The following RAB2B variants were observed in gnomAD, a reference collection of about 807,000 sequenced individuals.
RAB2B encodes RAB2B, member RAS oncogene family.
In RAB2B, 20 loss-of-function variants were observed where a neutral mutation model predicts 29.8. The ratio of observed to expected loss-of-function variants is 0.67; its 90% CI spans 0.47 to 0.97. RAB2B has a LOEUF of 0.97. RAB2B is among the 50% of genes least tolerant of loss of function. The probability of loss-of-function intolerance (pLI) is 0.00; values close to 1 mark genes in which losing one functional copy is unlikely to be tolerated. For missense variants in RAB2B, 218 were observed against 272.0 expected (o/e 0.80, Z 1.40); for synonymous variants, 93 against 91.7 (o/e 1.01, Z -0.08).
rs202237329 is a variant in RAB2B at position 21,476,514 on chromosome 14, G to T, written c.118+14C>A. ...GGTTTTATCATCTGTTCTGGAACAAGTAGATGCACTTACCTATTGTGAGGT... is the reference window on the plus strand; with the variant it reads ...GGTTTTATCATCTGTTCTGGAACAATTAGATGCACTTACCTATTGTGAGGT... On this transcript the variant is annotated intron_variant, in intron 2 of 7. Coordinates refer to ENST00000397762, the MANE Select transcript of RAB2B (RefSeq NM_032846.4). The T allele has an allele frequency of 2.0e-3, 3,178 of 1,613,750 alleles. 7 individuals carry two copies. The highest frequency in any genetic ancestry group is 2.0e-3 in the Non-Finnish European group (2,345 of 1,180,000).
chr14:21,470,924 C>T (rs1252611071), intron 3 of RAB2B, among the ~76,000 whole-genome samples: 1 of 143,972 alleles, frequency 6.9e-6, no homozygotes, highest in Non-Finnish European at 1.5e-5. Context: ...CCAAGGCGGG[C>T]AGATCACGAG....
rs1890479129 is a variant in RAB2B at position 21,459,174 on chromosome 14, G to GT, written c.*2021dup. 6.6e-6 allele frequency: 1 copy of GT among 152,342 alleles called. No homozygotes were observed. The highest frequency in any genetic ancestry group is 6.5e-5 in the Admixed American group (1 of 15,278). The allele number at this position is 152,342 out of a possible 1,614,324, so 9.4% of individuals were successfully genotyped here. A position where few individuals can be genotyped will look rare whatever the true frequency, so the allele number is the denominator to read the frequency against. On this transcript the variant is annotated 3_prime_UTR_variant, in exon 8 of 8. Transcript: ENST00000397762. The stretch of plus-strand genomic sequence containing the variant: ...ACCAACCCAGAAGGCTGCATGATGA[G>GT]TGAAGCAAAGGCAAGTTTGGCTAAG...
In RAB2B at chr14:21,459,597, A is replaced by C. The variant is rs2139587270; in HGVS notation, c.*1599T>G. On this transcript the variant is annotated 3_prime_UTR_variant, in exon 8 of 8. Coordinates refer to ENST00000397762, the MANE Select transcript of RAB2B (RefSeq NM_032846.4). ...ACGGAAAGACAAGATTCCACACAAA[A>C]ACAACTGCAAACCATATTTACATAG... 6.6e-6 allele frequency: 1 copy of C among 152,354 alleles called. No individual in the cohort carries two copies. The allele number at this position is 152,354 out of a possible 1,614,324, so 9.4% of individuals were successfully genotyped here.
chr14:21,465,667 T>G (rs1200072450), intron 5 of RAB2B, among the ~76,000 whole-genome samples: 1 of 152,214 alleles, frequency 6.6e-6, no homozygotes, highest in Non-Finnish European at 1.5e-5. Flanking sequence ...CAGGTGTATT[T>G]ATTTATTATT....
chr14:21,476,416 A>T, intron 2 of RAB2B, 112 bp downstream of exon 2: 2 of 1,163,726 alleles, frequency 1.7e-6, no homozygotes, highest in Non-Finnish European at 2.5e-6. Flanking sequence ...ACTAGTTTAA[A>T]GTAGTGAGGG....
At chr14:21,474,997 G>T in intron 2 of RAB2B, 63 bp from the exon 3 acceptor site, 1 of 1,347,664 alleles carries the variant, frequency 7.4e-7, no homozygotes, top group Non-Finnish European at 1.1e-6. Flanking sequence ...TGGAGTGGGA[G>T]GTTCCTGCCT....
intron 3 of RAB2B, among the ~76,000 whole-genome samples, chr14:21,469,974 G>T (rs1387365273): frequency 2.7e-5 from 4 of 146,012 alleles, no homozygotes; most frequent in African/African-American, 7.8e-5. Flanking sequence ...TTTTTTGAGA[G>T]GGAGTCTCGC....
At chr14:21,467,264 G>A (rs1380566775) in intron 5 of RAB2B, among the ~76,000 whole-genome samples, 1 of 152,034 alleles carries the variant, frequency 6.6e-6, no homozygotes, top group Non-Finnish European at 1.5e-5. Context: ...GGAGTGCAGT[G>A]GTACAATTAC....
rs559900203 is a variant in RAB2B at position 21,464,218 on chromosome 14, G to A, written c.363-451C>T. Reference sequence around the variant, plus strand: ...AGTTCAAGACCAGCCTGGCCAAGATGGTGAAATCCCGTCTCTACTAAAAAT... The same window carrying A: ...AGTTCAAGACCAGCCTGGCCAAGATAGTGAAATCCCGTCTCTACTAAAAAT... On this transcript the variant is annotated intron_variant, in intron 5 of 7. Transcript: ENST00000397762. Among the ~76,000 whole-genome samples, 66 of 152,272 alleles carry A rather than the reference G, an allele frequency of 4.3e-4. No individual in the cohort carries two copies. In the South Asian group the frequency reaches 8.3e-3, roughly 19 times the overall value.
chr14:21,469,083 T>C (rs1332610313), intron 3 of RAB2B, among the ~76,000 whole-genome samples: 1 of 151,228 alleles, frequency 6.6e-6, no homozygotes, highest in Non-Finnish European at 1.5e-5. Context: ...ATGAAGACAT[T>C]TGCATACATT....
chr14:21,463,400 C>A (rs1199814902), intron 6 of RAB2B, among the ~76,000 whole-genome samples: 1 of 151,970 alleles, frequency 6.6e-6, no homozygotes, highest in Non-Finnish European at 1.5e-5. Flanking sequence ...ACACACGCCG[C>A]CATGACCAGC....
intron 7 of RAB2B, among the ~76,000 whole-genome samples, 176 bp downstream of exon 7, chr14:21,462,174 T>C (rs1890571103): frequency 7.1e-6 from 1 of 140,956 alleles, no homozygotes; most frequent in Non-Finnish European, 1.5e-5. Context: ...AAACAGAAAA[T>C]GATGACAGGT....
intron 5 of RAB2B, among the ~76,000 whole-genome samples, chr14:21,466,291 C>T (rs1159381151): frequency 6.6e-6 from 1 of 152,100 alleles, no homozygotes; most frequent in African/African-American, 2.4e-5. Context: ...TCAAGACCAG[C>T]CTGATCAACA....
At chr14:21,462,922 C>T (rs1311038046) in intron 6 of RAB2B, among the ~76,000 whole-genome samples, 1 of 151,130 alleles carries the variant, frequency 6.6e-6, no homozygotes, top group East Asian at 1.9e-4. Flanking sequence ...AGAGTAGTTT[C>T]AAACACAAAA....
Position 21,462,375 on chromosome 14 carries a change from T to C in RAB2B, c.518A>G (p.Gln173Arg), listed in dbSNP as rs1890578397. 5.6e-6 allele frequency: 9 copies of C among 1,613,756 alleles called. No individual in the cohort carries two copies. Among genetic ancestry groups the C allele is most frequent in the South Asian group, 3.3e-5 (3 of 91,024 alleles). ...CTCATTGTGGACATCAAATAAACCC[T>C]GCTGGATCTTCCTATATATTTCTTT... Reference protein sequence around the residue: ...TAKEIYRKIQQGLFDVHNEAN... With the variant: ...TAKEIYRKIQRGLFDVHNEAN... The change falls in exon 7 of 8, where the codon CAG becomes CGG. Residue 173 changes from glutamine to arginine, a missense_variant. Physicochemically the swap from Gln to Arg is conservative, Grantham distance 43. Transcript: ENST00000397762.
chr14:21,476,377 C>A, intron 2 of RAB2B, 151 bp downstream of exon 2: 1 of 745,500 alleles, frequency 1.3e-6, no homozygotes, highest in Non-Finnish European at 2.3e-6. Context: ...ATCAACGTTT[C>A]ATTGGTCACT....
At chr14:21,464,749 A>G (rs1890647828) in intron 5 of RAB2B, among the ~76,000 whole-genome samples, 1 of 152,212 alleles carries the variant, frequency 6.6e-6, no homozygotes, top group Non-Finnish European at 1.5e-5. Context: ...CATGCCTATA[A>G]TCCCAGCACT....
intron 2 of RAB2B, among the ~76,000 whole-genome samples, chr14:21,475,928 T>C (rs949726588): frequency 2.6e-5 from 4 of 152,206 alleles, no homozygotes; most frequent in African/African-American, 9.6e-5. Context: ...TGTTGTTTAT[T>C]TGGACTGGGG....
At chr14:21,476,760 C>T (rs775282122) in intron 1 of RAB2B, 67 bp downstream of exon 1, 10 of 1,602,390 alleles carry the variant, frequency 6.2e-6, no homozygotes, top group Non-Finnish European at 8.5e-6. Flanking sequence ...GAGCCCCGCC[C>T]CCGCCACCCA....
Sources: gnomAD v4.1 joint callset for allele counts (sites outside exome capture counted in the v4.1 genomes callset) on GRCh38, gnomAD v4.1.1 for gene constraint, MANE v1.5 for transcripts, NCBI Gene and HGNC (gene_info 2026-07-23, HGNC 2026-07-21) for gene names.